The following PLXNA2 variants were observed in gnomAD, a reference collection of about 807,000 sequenced individuals.
PLXNA2 encodes the protein plexin A2, also known as plexin-A2.
A neutral mutation model predicts 193.5 loss-of-function variants in PLXNA2; 91 were observed. That is an observed-to-expected ratio of 0.47 (90% CI 0.40 to 0.56). PLXNA2 has a LOEUF of 0.56. PLXNA2 is among the 20% of genes least tolerant of loss of function. The pLI, the probability that PLXNA2 is intolerant of heterozygous loss-of-function variation, is 0.00. For synonymous variants in PLXNA2, 997 were observed against 1,027.3 expected (o/e 0.97, Z 0.56); for missense variants, 1,995 against 2,503.2 (o/e 0.80, Z 4.33).
chr1:208,124,709 A>G (rs1315742773), intron 4 of PLXNA2, among the ~76,000 whole-genome samples: 3 of 150,910 alleles, frequency 2.0e-5, no homozygotes, highest in African/African-American at 7.3e-5. Flanking sequence ...AAAAAGAACC[A>G]GAGATACCCT....
chr1:208,166,362 C>T (rs1265675946), intron 3 of PLXNA2, among the ~76,000 whole-genome samples: 2 of 152,318 alleles, frequency 1.3e-5, no homozygotes, highest in African/African-American at 4.8e-5. Context: ...AGGCTCAGCC[C>T]ACTGAGCTGG....
At position 208,038,751 on chromosome 1, in the gene PLXNA2, G is replaced by T. The variant is rs1332862622; in HGVS notation, c.4660+74C>A. ...CAGGACACAGTCATGCCCCTGCAAG[G>T]GTTGTGTGCATGGCAGCTTCCCTTC... On this transcript the variant is annotated intron_variant, in intron 25 of 31. Coordinates refer to ENST00000367033, the MANE Select transcript of PLXNA2 (RefSeq NM_025179.4). The surrounding 1 kb of genome is among the most constrained non-coding windows in gnomAD (Gnocchi z 4.1). 6.8e-7 allele frequency: 1 copy of T among 1,468,358 alleles called. No individual in the cohort carries two copies. The highest frequency in any genetic ancestry group is 1.2e-5 in the South Asian group (1 of 80,980). The allele number at this position is 1,468,358 out of a possible 1,614,324, so 91.0% of individuals were successfully genotyped here.
chr1:208,030,978 C>G (rs1285390618), intron 29 of PLXNA2: 1 of 988,356 alleles, frequency 1.0e-6, no homozygotes, highest in Non-Finnish European at 1.2e-6. Flanking sequence ...AGAGTCATGC[C>G]TGCAGGGCAT....
At chr1:208,037,276 G>A (rs1664699155) in intron 26 of PLXNA2, among the ~76,000 whole-genome samples, 1 of 152,180 alleles carries the variant, frequency 6.6e-6, no homozygotes. Flanking sequence ...ATGTCCTCTG[G>A]GCAGGGGTCT....
In PLXNA2 at chr1:208,044,755, C is replaced by T. The variant is rs1465157033; in HGVS notation, c.3640-13G>A. The T allele has an allele frequency of 1.9e-6, 3 of 1,593,726 alleles. No individual in the cohort carries two copies. The highest frequency in any genetic ancestry group is 1.1e-5 in the South Asian group (1 of 89,966). On this transcript the variant is annotated splice_polypyrimidine_tract_variant and intron_variant, in intron 19 of 31. Transcript: ENST00000367033. This position sits in a 1 kb window ranked among gnomAD's most constrained non-coding sequence, Gnocchi z 4.9. The stretch of plus-strand genomic sequence containing the variant: ...CGCCCACGTGAACCTGTGCATTGTA[C>T]ACATACAGACGCACATGGATGCACA...
Position 208,166,142 on chromosome 1 carries a change from A to G in PLXNA2, c.1372-23679T>C, listed in dbSNP as rs931972244. 1.3e-4 allele frequency among the ~76,000 whole-genome samples: 20 copies of G among 152,350 alleles called. 1 individual carries two copies. Among genetic ancestry groups the G allele is most frequent in the Admixed American group, 1.0e-3 (16 of 15,306 alleles). ...TCACATTAAACACAACACAGAAAGG[A>G]ATCAACCACAATAGTGAGATTTTGA... On this transcript the variant is annotated intron_variant, in intron 3 of 31. Transcript: ENST00000367033.
At chr1:208,062,827 A>T (rs892771595) in intron 12 of PLXNA2, among the ~76,000 whole-genome samples, 1 of 151,990 alleles carries the variant, frequency 6.6e-6, no homozygotes, top group Non-Finnish European at 1.5e-5. Flanking sequence ...CTGTCCCTGC[A>T]CTCTAAAAAT....
intron 15 of PLXNA2, 116 bp downstream of exon 15, chr1:208,052,211 G>T: frequency 9.7e-7 from 1 of 1,036,210 alleles, no homozygotes; most frequent in Non-Finnish European, 1.4e-6. Context: ...GGGTCTAGGT[G>T]TAGCAAATAA....
In PLXNA2 at chr1:208,038,553, C is replaced by T. The variant is rs771794734; in HGVS notation, c.4661-79G>A. On this transcript the variant is annotated intron_variant, in intron 25 of 31. Transcript: ENST00000367033. This position sits in a 1 kb window ranked among gnomAD's most constrained non-coding sequence, Gnocchi z 4.1. The stretch of plus-strand genomic sequence containing the variant: ...CCAGTGTCTCCCGATTGCACCTTCT[C>T]TAGGGACCTGGCAACCCGGCCCCCT... The T allele has an allele frequency of 4.3e-6, 5 of 1,166,008 alleles. No homozygotes were observed. Among genetic ancestry groups the T allele is most frequent in the Non-Finnish European group, 6.4e-6 (5 of 776,012 alleles). The allele number at this position is 1,166,008 out of a possible 1,614,324, so 72.2% of individuals were successfully genotyped here.
In PLXNA2 at chr1:208,186,806, G is replaced by A. The variant is rs372936329; in HGVS notation, c.1371+23474C>T. ...GCAATCTCGGCTCACTGCAAGCTCC[G>A]CTTCCCGGGTTCACGCCATTCTCCT... On this transcript the variant is annotated intron_variant, in intron 3 of 31. Transcript: ENST00000367033. 9.1e-3 allele frequency among the ~76,000 whole-genome samples: 1,365 copies of A among 149,526 alleles called. 23 individuals carry two copies. The highest frequency in any genetic ancestry group is 0.03 in the African/African-American group (1,187 of 40,014).
intron 3 of PLXNA2, among the ~76,000 whole-genome samples, chr1:208,198,590 G>A (rs551944603): frequency 6.6e-6 from 1 of 152,334 alleles, no homozygotes; most frequent in African/African-American, 2.4e-5. Context: ...TGGAGGAGGA[G>A]GCCTGAGGAG....
Position 208,216,715 on chromosome 1 carries a change from C to G in PLXNA2, c.1188+20G>C. The G allele has an allele frequency of 6.3e-7, 1 of 1,598,662 alleles. No individual in the cohort carries two copies. The highest frequency in any genetic ancestry group is 1.3e-5 in the African/African-American group (1 of 74,986). ...CCTGTGTCATGGAGCAGGAGCAGAGCGAGGTGTGTGCCTCCTTACCGCCTT... is the reference window on the plus strand; with the variant it reads ...CCTGTGTCATGGAGCAGGAGCAGAGGGAGGTGTGTGCCTCCTTACCGCCTT... On this transcript the variant is annotated intron_variant, in intron 2 of 31. Transcript: ENST00000367033.
chr1:208,071,900 C>A (rs1284571939), intron 12 of PLXNA2, among the ~76,000 whole-genome samples: 1 of 152,258 alleles, frequency 6.6e-6, no homozygotes, highest in East Asian at 1.9e-4. Flanking sequence ...GCCTTTCCTG[C>A]AGAGATTTGG....
At chr1:208,215,460 G>T (rs113543753) in intron 2 of PLXNA2, among the ~76,000 whole-genome samples, 109 of 152,232 alleles carry the variant, frequency 7.2e-4, no homozygotes, top group African/African-American at 2.3e-3. Context: ...TAGACAAATG[G>T]ATGATGGATA....
chr1:208,048,811 G>A (rs1319602003), intron 17 of PLXNA2, among the ~76,000 whole-genome samples: 1 of 152,198 alleles, frequency 6.6e-6, no homozygotes, highest in East Asian at 1.9e-4. Context: ...TTTATTTTCT[G>A]TATGCTGATG....
Position 208,052,398 on chromosome 1 carries a change from A to G in PLXNA2, c.2922T>C (p.Ile974=). The change falls in exon 15 of 32, where the codon ATT becomes ATC. Residue 974 remains isoleucine (I), a synonymous_variant. Transcript: ENST00000367033. ...TCCCAGCCCCAAGGTAATGGCCGGT[A>G]ATGGTCACCATAGTGCCTCCTGACT... is the stretch of plus-strand genomic sequence containing the variant. ...GPESGGTMVT[I]TGHYLGAGSS... is the part of the protein sequence containing the mutation. 1 of 1,614,096 alleles carries G rather than the reference A, an allele frequency of 6.2e-7. No homozygotes were observed. Among genetic ancestry groups the G allele is most frequent in the Non-Finnish European group, 8.5e-7 (1 of 1,179,956 alleles).
intron 3 of PLXNA2, among the ~76,000 whole-genome samples, chr1:208,152,592 A>AT (rs1311615801): frequency 6.6e-6 from 1 of 151,504 alleles, no homozygotes; most frequent in Non-Finnish European, 1.5e-5. Flanking sequence ...CAGTCTCCTA[A>AT]TTTTTTTATG....
Position 208,210,187 on chromosome 1 carries a change from A to G in PLXNA2, c.1371+93T>C, listed in dbSNP as rs774607340. 2.2e-6 allele frequency: 3 copies of G among 1,370,464 alleles called. No homozygotes were observed. The African/African-American group carries it at 4.3e-5, about 20-fold the overall frequency. 84.9% of individuals were successfully genotyped at this position (1,370,464 alleles called of 1,614,324 possible). A position where few individuals can be genotyped will look rare whatever the true frequency, so the allele number is the denominator to read the frequency against. On this transcript the variant is annotated intron_variant, in intron 3 of 31. Coordinates refer to ENST00000367033, the MANE Select transcript of PLXNA2 (RefSeq NM_025179.4). Reference sequence around the variant, plus strand: ...GTTCCCCAAGAAAATAAAGTTGCCTATAGTTAAATCTCCACCAATAGCTAC... The same window carrying G: ...GTTCCCCAAGAAAATAAAGTTGCCTGTAGTTAAATCTCCACCAATAGCTAC...
At position 208,042,298 on chromosome 1, in the gene PLXNA2, CTTG is replaced by C; in HGVS notation, c.4083_4085del (p.Asn1361del). 6.2e-7 allele frequency: 1 copy of C among 1,614,182 alleles called. No individual in the cohort carries two copies. The highest frequency in any genetic ancestry group is 8.5e-7 in the Non-Finnish European group (1 of 1,180,026). On this transcript the variant is annotated inframe_deletion, in exon 22 of 32. Coordinates refer to ENST00000367033, the MANE Select transcript of PLXNA2 (RefSeq NM_025179.4). ...TGCGGATGAAGGTCAGCAGGAACACCTTGTTGTTGATGAGCTGGGCAAAGAGCT... is the reference window on the plus strand; with the variant it reads ...TGCGGATGAAGGTCAGCAGGAACACCTTGTTGATGAGCTGGGCAAAGAGCT...
Sources: allele counts gnomAD v4.1 joint callset (sites outside exome capture counted in the v4.1 genomes callset), GRCh38; gene constraint gnomAD v4.1.1; non-coding constraint Gnocchi (gnomAD v3.1); transcripts MANE v1.5; gene names NCBI Gene and HGNC (gene_info 2026-07-23, HGNC 2026-07-21).